DNAH10: variants seen among roughly 807,000 people sequenced by gnomAD.
The protein encoded by DNAH10 is dynein axonemal heavy chain 10, also known as axonemal beta dynein heavy chain 10.
Under a neutral mutation model 506.6 loss-of-function variants are expected in DNAH10, and 348 were observed. That is an observed-to-expected ratio of 0.69 (90% CI 0.63 to 0.75). DNAH10 has a LOEUF of 0.75. Ranked by LOEUF, DNAH10 falls within the 30% of genes least tolerant of loss-of-function variation. The pLI, the probability that DNAH10 is intolerant of heterozygous loss-of-function variation, is 0.00. For synonymous variants in DNAH10, 2,059 were observed against 2,198.6 expected, an observed-to-expected ratio of 0.94 and a Z score of 1.78; for missense variants, 5,179 against 5,787.1, an observed-to-expected ratio of 0.89 and a Z score of 3.41.
chr12:123,822,659 G>C (rs1474280578), intron 24 of DNAH10, among the ~76,000 whole-genome samples: 2 of 152,056 alleles, frequency 1.3e-5, no homozygotes, highest in Non-Finnish European at 2.9e-5. Context: ...TGAGATTTGT[G>C]ATGAGGAATT....
chr12:123,913,048 G>A lies in DNAH10; in HGVS notation c.10135-50G>A, dbSNP rs1954301834. ...CCTGGTTTGAGGCCATGGGATCGCG[G>A]CCCCACCACGGTCCTTTTCCCCATC... On this transcript the variant is annotated intron_variant, in intron 59 of 78. Transcript: ENST00000673944. The surrounding 1 kb of genome is among the most constrained non-coding windows in gnomAD (Gnocchi z 5.1). 3 of 1,542,016 alleles carry A rather than the reference G, an allele frequency of 1.9e-6. No individual in the cohort carries two copies. Among genetic ancestry groups the A allele is most frequent in the African/African-American group, 1.4e-5 (1 of 72,970 alleles).
rs144169367 is a variant in DNAH10 at position 123,898,045 on chromosome 12, A to T, written c.9478+78A>T. The T allele has an allele frequency of 3.7e-3, 5,061 of 1,355,594 alleles. 18 individuals are homozygous for T. The highest frequency in any genetic ancestry group is 4.5e-3 in the Non-Finnish European group (4,599 of 1,020,494). The allele number at this position is 1,355,594 out of a possible 1,614,324, so 84.0% of individuals were successfully genotyped here. On this transcript the variant is annotated intron_variant, in intron 55 of 78. Coordinates refer to ENST00000673944, the MANE Select transcript of DNAH10 (RefSeq NM_001372106.1). Reference sequence around the variant, plus strand: ...GGATTCGAGCGCTGATCTTTTCTTTAGTAAGATGGGGCATCTTCAGTATTG... The same window carrying T: ...GGATTCGAGCGCTGATCTTTTCTTTTGTAAGATGGGGCATCTTCAGTATTG...
chr12:123,882,827 G>A (rs1471124214), intron 51 of DNAH10, among the ~76,000 whole-genome samples: 1 of 149,378 alleles, frequency 6.7e-6, no homozygotes, highest in Non-Finnish European at 1.5e-5. Context: ...AACATTTTGT[G>A]GTTTCAAAAA....
At chr12:123,812,082 C>T (rs1369135766) in intron 19 of DNAH10, among the ~76,000 whole-genome samples, 1 of 152,182 alleles carries the variant, frequency 6.6e-6, no homozygotes, top group Non-Finnish European at 1.5e-5. Flanking sequence ...TCACATTTTA[C>T]AGATGGTGAG....
intron 45 of DNAH10, among the ~76,000 whole-genome samples, chr12:123,873,348 C>T (rs1328554359): frequency 2.0e-5 from 3 of 152,162 alleles, no homozygotes; most frequent in East Asian, 1.9e-4. Context: ...TGCGACAATT[C>T]GCTATTGACT....
intron 18 of DNAH10, 72 bp downstream of exon 18, chr12:123,805,112 G>C (rs1958615369): frequency 6.7e-7 from 1 of 1,483,040 alleles, no homozygotes; most frequent in African/African-American, 1.4e-5. Context: ...TGGACAGTTA[G>C]AGGGGGTGGC....
chr12:123,926,321 C>T lies in DNAH10; in HGVS notation c.11922-316C>T, dbSNP rs1486444798. 4.1e-5 allele frequency: 14 copies of T among 344,190 alleles called. No individual in the cohort carries two copies. The South Asian group carries it at 6.6e-4, about 16-fold the overall frequency. 21.3% of individuals were successfully genotyped at this position (344,190 alleles called of 1,614,324 possible). ...CTCAAGATGTGGACCATTCAGGACACGCCTGTGGAACCTCAGGGTTTTGTG... is the reference window on the plus strand; with the variant it reads ...CTCAAGATGTGGACCATTCAGGACATGCCTGTGGAACCTCAGGGTTTTGTG... On this transcript the variant is annotated intron_variant, in intron 68 of 78. Coordinates refer to ENST00000673944, the MANE Select transcript of DNAH10 (RefSeq NM_001372106.1). The surrounding 1 kb of genome is among the most constrained non-coding windows in gnomAD (Gnocchi z 4.1).
intron 57 of DNAH10, among the ~76,000 whole-genome samples, chr12:123,906,057 TC>T (rs1953762492): frequency 1.3e-5 from 2 of 148,260 alleles, no homozygotes; most frequent in East Asian, 4.1e-4. Flanking sequence ...AGCTCCAGCC[TC>T]CTGAGTACCT....
chr12:123,926,323 C>A lies in DNAH10; in HGVS notation c.11922-314C>A. 2.8e-6 allele frequency: 1 copy of A among 353,998 alleles called. No individual in the cohort carries two copies. The allele number at this position is 353,998 out of a possible 1,614,324, so 21.9% of individuals were successfully genotyped here. On this transcript the variant is annotated intron_variant, in intron 68 of 78. Transcript: ENST00000673944. This position sits in a 1 kb window ranked among gnomAD's most constrained non-coding sequence, Gnocchi z 4.1. ...CAAGATGTGGACCATTCAGGACACG[C>A]CTGTGGAACCTCAGGGTTTTGTGCC...
At chr12:123,803,952 C>T (rs1958565267) in intron 17 of DNAH10, 127 bp downstream of exon 17, 1 of 876,148 alleles carries the variant, frequency 1.1e-6, no homozygotes, top group Non-Finnish European at 1.7e-6. Flanking sequence ...TGGCATCAAA[C>T]CATTTCTAAT....
chr12:123,912,979 G>T (rs1954296942), intron 59 of DNAH10, 119 bp from the exon 60 acceptor site: 3 of 926,274 alleles, frequency 3.2e-6, no homozygotes. Context: ...GCATATAGAG[G>T]CTCTGAAAAG....
intron 47 of DNAH10, among the ~76,000 whole-genome samples, chr12:123,876,053 C>A (rs946888858): frequency 6.6e-6 from 1 of 152,206 alleles, no homozygotes; most frequent in East Asian, 1.9e-4. Context: ...CCAAATGGAA[C>A]CCATTCATTT....
chr12:123,781,036 G>A (rs1957627627), intron 5 of DNAH10, 44 bp from the exon 6 acceptor site: 1 of 1,396,298 alleles, frequency 7.2e-7, no homozygotes, highest in Non-Finnish European at 9.6e-7. Flanking sequence ...ATGAATTATT[G>A]AAAATGACTT....
chr12:123,830,818 C>T, intron 26 of DNAH10, 119 bp downstream of exon 26: 1 of 1,056,630 alleles, frequency 9.5e-7, no homozygotes, highest in African/African-American at 1.6e-5. Flanking sequence ...GGTGGTATGC[C>T]ATTACTCCCA....
intron 25 of DNAH10, 137 bp downstream of exon 25, chr12:123,827,035 C>T (rs76433986): frequency 1.5e-4 from 101 of 679,578 alleles, no homozygotes; most frequent in East Asian, 6.5e-4. Flanking sequence ...TACATGGGCA[C>T]GACACAGTTC....
In DNAH10 at chr12:123,892,892, G is replaced by A. The variant is rs1953050242; in HGVS notation, c.8996-341G>A. Among the ~76,000 whole-genome samples the A allele has an allele frequency of 2.0e-5, 3 of 152,194 alleles. No homozygotes were observed. The South Asian group carries it at 6.2e-4, about 31-fold the overall frequency. ...AACAAGCAGAAATATCTCCAGACATGGCCCAGTGTTTCCTGGGGGCAAATC... is the reference window on the plus strand; with the variant it reads ...AACAAGCAGAAATATCTCCAGACATAGCCCAGTGTTTCCTGGGGGCAAATC... On this transcript the variant is annotated intron_variant, in intron 52 of 78. Coordinates refer to ENST00000673944, the MANE Select transcript of DNAH10 (RefSeq NM_001372106.1).
chr12:123,918,993 G>A (rs768815740), intron 65 of DNAH10, 44 bp downstream of exon 65: 78 of 1,503,500 alleles, frequency 5.2e-5, no homozygotes, highest in Non-Finnish European at 6.8e-5. Context: ...GTAGTTTGGT[G>A]TGCCAGACGT....
intron 65 of DNAH10, among the ~76,000 whole-genome samples, chr12:123,921,125 C>T (rs1479320134): frequency 1.3e-4 from 20 of 152,112 alleles, no homozygotes; most frequent in Admixed American, 1.3e-3. Context: ...GGGTTGTTTC[C>T]CGTCGTCTGA....
chr12:123,887,502 C>T (rs933019624), intron 52 of DNAH10, among the ~76,000 whole-genome samples, 189 bp downstream of exon 52: 4 of 152,120 alleles, frequency 2.6e-5, no homozygotes, highest in Admixed American at 6.5e-5. Context: ...TGGAGTCTCC[C>T]GAGTGTGCCC....
Sources: gnomAD v4.1 joint callset for allele counts (sites outside exome capture counted in the v4.1 genomes callset) on GRCh38, gnomAD v4.1.1 for gene constraint, Gnocchi (gnomAD v3.1) non-coding constraint, MANE v1.5 for transcripts, NCBI Gene and HGNC (gene_info 2026-07-23, HGNC 2026-07-21) for gene names.